B4GALNT3: variants seen among roughly 807,000 people sequenced by gnomAD.
B4GALNT3 encodes beta-1,4-N-acetyl-galactosaminyltransferase 3, also known as beta-1,4-N-acetylgalactosaminyltransferase 3.
Under a neutral mutation model 120.2 loss-of-function variants are expected in B4GALNT3, and 86 were observed. The ratio of observed to expected loss-of-function variants is 0.72; its 90% CI spans 0.60 to 0.86. B4GALNT3 has a LOEUF of 0.86. Ranked by LOEUF, B4GALNT3 falls within the 40% of genes least tolerant of loss-of-function variation. The pLI is 0.00. For synonymous variants in B4GALNT3, 518 were observed against 510.4 expected (o/e 1.01, Z -0.20); for missense variants, 1,167 against 1,298.9 (o/e 0.90, Z 1.56).
intron 1 of B4GALNT3, among the ~76,000 whole-genome samples, chr12:494,456 C>T (rs1311962291): frequency 6.6e-6 from 1 of 152,186 alleles, no homozygotes; most frequent in African/African-American, 2.4e-5. Flanking sequence ...TCACACTGAA[C>T]TTAGAAGCCA....
intron 1 of B4GALNT3, among the ~76,000 whole-genome samples, chr12:533,957 T>G (rs530178735): frequency 6.6e-6 from 1 of 152,330 alleles, no homozygotes; most frequent in South Asian, 2.1e-4. Flanking sequence ...TGCGTGGCTG[T>G]CTGTGTCTCT....
At chr12:489,712 G>A (rs554053319) in intron 1 of B4GALNT3, among the ~76,000 whole-genome samples, 9 of 152,296 alleles carry the variant, frequency 5.9e-5, no homozygotes, top group Non-Finnish European at 1.3e-4. Context: ...TGCAGCAGCC[G>A]GAAAATTGGT....
chr12:557,586 C>G, intron 15 of B4GALNT3, 22 bp from the exon 16 acceptor site: 2 of 1,597,650 alleles, frequency 1.3e-6, no homozygotes, highest in South Asian at 2.3e-5. Context: ...GTTTCCTTCT[C>G]CTGCCTGACC....
intron 15 of B4GALNT3, among the ~76,000 whole-genome samples, chr12:557,087 T>C (rs1421272222): frequency 6.6e-6 from 1 of 152,152 alleles, no homozygotes; most frequent in Non-Finnish European, 1.5e-5. Context: ...AGGCCAGTGC[T>C]CTTTCTTTCG....
At chr12:482,005 C>T (rs908686457) in intron 1 of B4GALNT3, among the ~76,000 whole-genome samples, 2 of 151,952 alleles carry the variant, frequency 1.3e-5, no homozygotes, top group African/African-American at 4.8e-5. Context: ...AAAGGGTGTC[C>T]CCAAATCGTT....
chr12:557,372 C>A (rs1947169935), intron 15 of B4GALNT3, among the ~76,000 whole-genome samples: 1 of 152,152 alleles, frequency 6.6e-6, no homozygotes, highest in African/African-American at 2.4e-5. Flanking sequence ...CGTGGGTCCC[C>A]TGCCTGGGAG....
Position 511,503 on chromosome 12 carries a change from C to CCTT in B4GALNT3, c.170-23661_170-23659dup, listed in dbSNP as rs1352515318. On this transcript the variant is annotated intron_variant, in intron 1 of 19. Coordinates refer to ENST00000266383, the MANE Select transcript of B4GALNT3 (RefSeq NM_173593.4). ...ACCTTCTTCCACCTTCCACCTTCCA[C>CCTT]CTTCCACCTTCTTCCACCTTCCACC... is the stretch of plus-strand genomic sequence containing the variant. 1.8e-5 allele frequency among the ~76,000 whole-genome samples: 2 copies of CCTT among 110,392 alleles called. 1 individual carries two copies. Among genetic ancestry groups the CCTT allele is most frequent in the African/African-American group, 6.3e-5 (2 of 31,548 alleles). 72.4% of individuals were successfully genotyped at this position (110,392 alleles called of 152,430 possible).
chr12:525,096 T>TTATTTATTTATG (rs1021309654), intron 1 of B4GALNT3, among the ~76,000 whole-genome samples: 1 of 151,278 alleles, frequency 6.6e-6, no homozygotes, highest in Middle Eastern at 3.2e-3. Context: ...TTTTATTTAT[T>TTATTTATTTATG]TATTTATTTA....
rs533805193 is a variant in B4GALNT3, at chr12:520,435, A to C, written c.170-14731A>C. On this transcript the variant is annotated intron_variant, in intron 1 of 19. Coordinates refer to ENST00000266383, the MANE Select transcript of B4GALNT3 (RefSeq NM_173593.4). ...AGCCAGACCACATATCCTGATTTTG[A>C]GTTCAGAAAATATGGTTATTAACAC... Among the ~76,000 whole-genome samples, 3 of 152,342 alleles carry C rather than the reference A, an allele frequency of 2.0e-5. No individual in the cohort carries two copies. In the South Asian group the frequency reaches 6.2e-4, roughly 32 times the overall value.
intron 2 of B4GALNT3, 90 bp downstream of exon 2, chr12:535,359 T>C: frequency 3.7e-6 from 4 of 1,076,370 alleles, no homozygotes; most frequent in Non-Finnish European, 5.5e-6. Flanking sequence ...TAACCTCTGC[T>C]ACTCTGGGAG....
intron 1 of B4GALNT3, among the ~76,000 whole-genome samples, chr12:464,400 CG>C (rs1315563808): frequency 6.6e-6 from 1 of 151,966 alleles, no homozygotes; most frequent in Admixed American, 6.5e-5. Flanking sequence ...GAGGCCGAGG[CG>C]GGCAGATCAT....
At position 546,757 on chromosome 12, in the gene B4GALNT3, C is replaced by T. The variant is rs541962983; in HGVS notation, c.707+44C>T. On this transcript the variant is annotated intron_variant, in intron 7 of 19. Transcript: ENST00000266383. ...AGGCGCTGTGGGCGCCTCGGTGCCT[C>T]GGTGGAGCCCGGCTGCGCCCCTGTC... 7.2e-6 allele frequency: 11 copies of T among 1,522,158 alleles called. No individual in the cohort carries two copies. The Admixed American group carries it at 1.4e-4, about 19-fold the overall frequency. The allele number at this position is 1,522,158 out of a possible 1,614,324, so 94.3% of individuals were successfully genotyped here. A position where few individuals can be genotyped will look rare whatever the true frequency, so the allele number is the denominator to read the frequency against.
At chr12:472,680 G>A (rs1283744098) in intron 1 of B4GALNT3, among the ~76,000 whole-genome samples, 7 of 152,200 alleles carry the variant, frequency 4.6e-5, no homozygotes, top group Non-Finnish European at 7.3e-5. Flanking sequence ...CTCATGATCC[G>A]CTGGCCTTGG....
chr12:494,035 C>T (rs764714276), intron 1 of B4GALNT3, among the ~76,000 whole-genome samples: 13 of 152,012 alleles, frequency 8.6e-5, no homozygotes, highest in Admixed American at 2.0e-4. Context: ...TTTGGGAGGT[C>T]GAGGCAGGAG....
chr12:511,455 T>TCTTCCCC (rs1565597907), intron 1 of B4GALNT3, among the ~76,000 whole-genome samples: 1 of 41,974 alleles, frequency 2.4e-5, no homozygotes, highest in African/African-American at 1.6e-4. Flanking sequence ...CCTTCCACCT[T>TCTTCCCC]CTTCCACCTT....
At chr12:489,550 GAT>G (rs1305452990) in intron 1 of B4GALNT3, among the ~76,000 whole-genome samples, 1 of 152,092 alleles carries the variant, frequency 6.6e-6, no homozygotes, top group Admixed American at 6.6e-5. Flanking sequence ...TTTTCCACAA[GAT>G]AACCACTTTA....
In B4GALNT3 at chr12:470,949, G is replaced by A. The variant is rs7953432; in HGVS notation, c.169+10404G>A. Among the ~76,000 whole-genome samples the A allele has an allele frequency of 7.2e-5, 11 of 151,780 alleles. 1 individual carries two copies. Reference sequence around the variant, plus strand: ...TCGCCATGTTGGTCAGGCTGGTCTCGAACTCCTGACCTCAGGTGATGCGCC... The same window carrying A: ...TCGCCATGTTGGTCAGGCTGGTCTCAAACTCCTGACCTCAGGTGATGCGCC... On this transcript the variant is annotated intron_variant, in intron 1 of 19. Coordinates refer to ENST00000266383, the MANE Select transcript of B4GALNT3 (RefSeq NM_173593.4).
intron 1 of B4GALNT3, among the ~76,000 whole-genome samples, chr12:534,459 C>A (rs1201856037): frequency 6.6e-6 from 1 of 152,128 alleles, no homozygotes; most frequent in Non-Finnish European, 1.5e-5. Context: ...GCGCGTGCAC[C>A]CCCCAGTTTC....
chr12:522,941 T>TAA (rs61096976), intron 1 of B4GALNT3, among the ~76,000 whole-genome samples: 9,688 of 57,662 alleles, frequency 0.17, 822 homozygotes, highest in East Asian at 0.37. Flanking sequence ...AGACTCTGTT[T>TAA]AAAAAAAAAA....
Sources: allele counts gnomAD v4.1 joint callset (sites outside exome capture counted in the v4.1 genomes callset), GRCh38; gene constraint gnomAD v4.1.1; transcripts MANE v1.5; gene names NCBI Gene and HGNC (gene_info 2026-07-23, HGNC 2026-07-21).